DLGAP1: variants seen among roughly 807,000 people sequenced by gnomAD.
DLGAP1 encodes DLG associated protein 1, also known as disks large-associated protein 1.
A neutral mutation model predicts 90.8 loss-of-function variants in DLGAP1; 11 were observed. The ratio of observed to expected loss-of-function variants is 0.12; its 90% confidence interval spans 0.08 to 0.20. The LOEUF (loss-of-function observed/expected upper bound fraction) is 0.20. Ranked by LOEUF, DLGAP1 falls within the 10% of genes least tolerant of loss-of-function variation. The probability of loss-of-function intolerance (pLI) is 1.00; values close to 1 mark genes in which losing one functional copy is unlikely to be tolerated. For synonymous variants in DLGAP1, 558 were observed against 540.7 expected (o/e 1.03, Z -0.44); for missense variants, 1,050 against 1,333.8 (o/e 0.79, Z 3.31).
intron 1 of DLGAP1, among the ~76,000 whole-genome samples, chr18:4,340,177 A>G (rs924045673): frequency 6.6e-6 from 1 of 152,182 alleles, no homozygotes; most frequent in African/African-American, 2.4e-5. Context: ...AATATTATTA[A>G]TGACATATTA....
At chr18:3,936,073 TAC>T (rs1375152888) in intron 3 of DLGAP1, among the ~76,000 whole-genome samples, 1 of 152,190 alleles carries the variant, frequency 6.6e-6, no homozygotes, top group East Asian at 1.9e-4. Context: ...ATTGCCATCT[TAC>T]AGAGTCTTAA....
At chr18:3,600,763 T>TAG (rs1296738458) in intron 7 of DLGAP1, among the ~76,000 whole-genome samples, 5 of 92,588 alleles carry the variant, frequency 5.4e-5, no homozygotes, top group African/African-American at 1.4e-4. Flanking sequence ...TATAGATATA[T>TAG]AGATATATAT....
chr18:4,429,337 A>C (rs1250202485), intron 1 of DLGAP1, among the ~76,000 whole-genome samples: 1 of 152,258 alleles, frequency 6.6e-6, no homozygotes, highest in Admixed American at 6.5e-5. Context: ...GGAAGGTGTG[A>C]AAATACCCAG....
intron 7 of DLGAP1, among the ~76,000 whole-genome samples, chr18:3,724,048 G>T (rs1257261251): frequency 6.6e-6 from 1 of 152,128 alleles, no homozygotes; most frequent in Non-Finnish European, 1.5e-5. Flanking sequence ...GTATTGGTGG[G>T]GCATAGTGGC....
At chr18:3,554,772 C>T (rs561530432) in intron 9 of DLGAP1, among the ~76,000 whole-genome samples, 73 of 152,238 alleles carry the variant, frequency 4.8e-4, no homozygotes, top group African/African-American at 1.7e-3. Flanking sequence ...AAGTCTACTC[C>T]TTAATAGATC....
intron 4 of DLGAP1, among the ~76,000 whole-genome samples, chr18:3,832,243 T>A (rs758435693): frequency 3.3e-5 from 5 of 152,252 alleles, no homozygotes; most frequent in Admixed American, 6.5e-5. Context: ...CACTTCATAT[T>A]CAGTGATGAT....
At chr18:4,091,206 A>T (rs2075768963) in intron 2 of DLGAP1, among the ~76,000 whole-genome samples, 2 of 152,210 alleles carry the variant, frequency 1.3e-5, no homozygotes, top group South Asian at 4.1e-4. Flanking sequence ...TTGCCTATGT[A>T]ACAAACCTGC....
intron 1 of DLGAP1, among the ~76,000 whole-genome samples, chr18:4,213,383 G>A (rs987754310): frequency 3.3e-5 from 5 of 152,274 alleles, no homozygotes; most frequent in African/African-American, 9.6e-5. Flanking sequence ...GTAACATCGA[G>A]TCAGGAGGAA....
intron 3 of DLGAP1, among the ~76,000 whole-genome samples, chr18:3,910,668 T>C (rs113612891): frequency 0.012 from 1,855 of 152,318 alleles, 20 homozygotes; most frequent in Non-Finnish European, 0.019. Context: ...CATTGCCATC[T>C]GCTAGTGCCT....
intron 9 of DLGAP1, among the ~76,000 whole-genome samples, chr18:3,538,867 G>T (rs971247751): frequency 6.6e-6 from 1 of 152,116 alleles, no homozygotes; most frequent in Non-Finnish European, 1.5e-5. Context: ...TGTACTACCC[G>T]CATTCCTAAC....
chr18:4,152,748 A>G (rs2076695604), intron 1 of DLGAP1, among the ~76,000 whole-genome samples: 1 of 152,210 alleles, frequency 6.6e-6, no homozygotes, highest in Admixed American at 6.5e-5. Context: ...ATGACATAGA[A>G]GACAAAAATG....
At chr18:4,209,463 C>A (rs1471336019) in intron 1 of DLGAP1, among the ~76,000 whole-genome samples, 1 of 152,184 alleles carries the variant, frequency 6.6e-6, no homozygotes, top group African/African-American at 2.4e-5. Flanking sequence ...TCAAAATACT[C>A]ATTTTAATAA....
At position 4,265,624 on chromosome 18, in the gene DLGAP1, C is replaced by CCCTTCCTT. The variant is rs1439047665; in HGVS notation, c.-266-114338_-266-114337insAAGGAAGG. On this transcript the variant is annotated intron_variant, in intron 1 of 12. Coordinates refer to ENST00000315677, the MANE Select transcript of DLGAP1 (RefSeq NM_004746.4). ...CTTTCCTTCCTTCCTTCCCTCCCTC[C>CCCTTCCTT]CCTTCCCTCCCTCCCCTTCCCTCCC... Among the ~76,000 whole-genome samples the CCCTTCCTT allele has an allele frequency of 2.3e-4, 14 of 59,922 alleles. 2 individuals carry two copies. The highest frequency in any genetic ancestry group is 8.7e-4 in the African/African-American group (7 of 8,084). The allele number at this position is 59,922 out of a possible 152,430, so 39.3% of individuals were successfully genotyped here.
chr18:4,239,336 CATTT>C (rs1254456946), intron 1 of DLGAP1, among the ~76,000 whole-genome samples: 3 of 152,062 alleles, frequency 2.0e-5, no homozygotes, highest in African/African-American at 7.2e-5. Context: ...TTTTTTTCAT[CATTT>C]ATTTGATGAA....
chr18:3,929,681 T>C (rs1454060366), intron 3 of DLGAP1, among the ~76,000 whole-genome samples: 1 of 152,198 alleles, frequency 6.6e-6, no homozygotes, highest in African/African-American at 2.4e-5. Flanking sequence ...TCTATTCCTA[T>C]GATATGTGCA....
At chr18:3,774,531 C>G (rs541197023) in intron 5 of DLGAP1, 122 of 152,450 alleles carry the variant, frequency 8.0e-4, no homozygotes, top group African/African-American at 2.8e-3. Context: ...GCTGGAAGGG[C>G]TGGCTTGCTC....
At chr18:4,391,815 TC>T (rs1413492450) in intron 1 of DLGAP1, among the ~76,000 whole-genome samples, 1 of 152,184 alleles carries the variant, frequency 6.6e-6, no homozygotes, top group East Asian at 1.9e-4. Flanking sequence ...TCTGAATGTC[TC>T]CAGAACAGTA....
Position 4,197,012 on chromosome 18 carries a change from A to C in DLGAP1, c.-266-45725T>G, listed in dbSNP as rs376890764. 5.6e-4 allele frequency among the ~76,000 whole-genome samples: 85 copies of C among 152,020 alleles called. 1 individual carries two copies. The South Asian group carries it at 0.017, about 31-fold the overall frequency. On this transcript the variant is annotated intron_variant, in intron 1 of 12. Transcript: ENST00000315677. ...ATGTGGTGAAACCCCACCTCTATTT[A>C]AAATACAAAAATCAGTTCAGTGTGG...
chr18:4,334,293 T>TA (rs1247333568), intron 1 of DLGAP1, among the ~76,000 whole-genome samples: 1 of 151,834 alleles, frequency 6.6e-6, no homozygotes, highest in Non-Finnish European at 1.5e-5. Context: ...TTTCATATGT[T>TA]AGTCTAGTCT....
Sources: allele counts gnomAD v4.1 joint callset (sites outside exome capture counted in the v4.1 genomes callset), GRCh38; gene constraint gnomAD v4.1.1; transcripts MANE v1.5; gene names NCBI Gene and HGNC (gene_info 2026-07-23, HGNC 2026-07-21).